The following PRKCA variants were observed in gnomAD, a reference collection of about 807,000 sequenced individuals.
PRKCA encodes the protein protein kinase C alpha type.
In PRKCA, 27 loss-of-function variants were observed where a neutral mutation model predicts 87.0. That is an observed-to-expected ratio of 0.31 (90% confidence interval 0.23 to 0.43). The LOEUF (loss-of-function observed/expected upper bound fraction) is 0.43, where lower values mean the gene tolerates loss of function less well. PRKCA is among the 20% of genes least tolerant of loss of function. PRKCA has a pLI of 1.00. For missense variants in PRKCA, 518 were observed against 852.3 expected, an observed-to-expected ratio of 0.61 and a Z score of 4.88; for synonymous variants, 329 against 311.1, an observed-to-expected ratio of 1.06 and a Z score of -0.61.
chr17:66,302,627 G>C lies in PRKCA; in HGVS notation c.-225G>C, dbSNP rs1904561546. On this transcript the variant is annotated 5_prime_UTR_variant, in exon 1 of 17. Transcript: ENST00000413366. ...GGCACCGGGCTGTCAGTGAGCCTGG[G>C]GCCAGCGGGCGAGCCAGCGGCTCCG... 1 of 155,204 alleles carries C rather than the reference G, an allele frequency of 6.4e-6. No individual in the cohort carries two copies. Among genetic ancestry groups the C allele is most frequent in the African/African-American group, 2.4e-5 (1 of 41,026 alleles). The allele number at this position is 155,204 out of a possible 1,614,324, so 9.6% of individuals were successfully genotyped here. A position where few individuals can be genotyped will look rare whatever the true frequency, so the allele number is the denominator to read the frequency against.
chr17:66,644,925 G>T (rs1351517624), intron 4 of PRKCA, among the ~76,000 whole-genome samples: 1 of 151,806 alleles, frequency 6.6e-6, no homozygotes, highest in Non-Finnish European at 1.5e-5. Context: ...AGGAGTTCAA[G>T]GCTGCAGTGA....
rs769147597 is a variant in PRKCA at position 66,742,768 on chromosome 17, C to G, written c.1524+8C>G. ...GATTATATCGCCCCAGAGGTAGGAA[C>G]CCCAGTGATCGTTTTCTCAACCAGG... On this transcript the variant is annotated splice_region_variant and intron_variant, in intron 13 of 16. Coordinates refer to ENST00000413366, the MANE Select transcript of PRKCA (RefSeq NM_002737.3). 8.7e-6 allele frequency: 14 copies of G among 1,612,338 alleles called. No homozygotes were observed. The East Asian group carries it at 2.7e-4, about 31-fold the overall frequency.
intron 3 of PRKCA, among the ~76,000 whole-genome samples, chr17:66,618,135 A>G (rs906957220): frequency 6.6e-6 from 1 of 152,126 alleles, no homozygotes; most frequent in Non-Finnish European, 1.5e-5. Flanking sequence ...TGGGTGGATC[A>G]CCTGAGGTCA....
chr17:66,715,077 G>A (rs1351481172), intron 8 of PRKCA, among the ~76,000 whole-genome samples: 1 of 151,744 alleles, frequency 6.6e-6, no homozygotes, highest in Non-Finnish European at 1.5e-5. Flanking sequence ...TTTCCGTTGA[G>A]TAGTTGAGCA....
intron 2 of PRKCA, among the ~76,000 whole-genome samples, chr17:66,456,407 C>T (rs997394431): frequency 2.6e-5 from 4 of 152,062 alleles, no homozygotes; most frequent in African/African-American, 7.2e-5. Flanking sequence ...GTTTAAGAGC[C>T]GTAAGTGGCC....
At position 66,735,552 on chromosome 17, in the gene PRKCA, G is replaced by C; in HGVS notation, c.1120G>C (p.Val374Leu). The C allele has an allele frequency of 6.2e-7, 1 of 1,614,202 alleles. No individual in the cohort carries two copies. The highest frequency in any genetic ancestry group is 8.5e-7 in the Non-Finnish European group (1 of 1,180,030). The change falls in exon 10 of 17, where the codon GTG (valine) becomes CTG (leucine). Residue 374 changes from valine to leucine, a missense_variant. Val to Leu is a conservative substitution (Grantham distance 32). Around this residue, in one of 5 missense-constraint regions of PRKCA, gnomAD observed 300 missense variants for 496.8 expected, o/e 0.60. Coordinates refer to ENST00000413366, the MANE Select transcript of PRKCA (RefSeq NM_002737.3). The part of the protein sequence containing the change: ...LYAIKILKKD[V>L]VIQDDDVECT... ...TGCAATCAAAATCCTGAAGAAGGAT[G>C]TGGTGATTCAGGATGATGACGTGGA...
chr17:66,561,615 G>A (rs997962997), intron 3 of PRKCA, among the ~76,000 whole-genome samples: 16 of 152,172 alleles, frequency 1.1e-4, no homozygotes, highest in Non-Finnish European at 8.8e-5. Context: ...CATGTTCGTA[G>A]CAGCAGCAAC....
intron 8 of PRKCA, among the ~76,000 whole-genome samples, chr17:66,706,120 C>A (rs1260956603): frequency 2.0e-5 from 3 of 152,138 alleles, no homozygotes. Flanking sequence ...ATTATTTTAA[C>A]AAGGTCCCCA....
At chr17:66,384,998 T>C (rs985055854) in intron 2 of PRKCA, among the ~76,000 whole-genome samples, 3 of 152,200 alleles carry the variant, frequency 2.0e-5, no homozygotes, top group Admixed American at 2.0e-4. Context: ...TGCCTTCCTC[T>C]TCTTTGACTT....
At chr17:66,461,630 A>G (rs1914859105) in intron 2 of PRKCA, among the ~76,000 whole-genome samples, 1 of 152,200 alleles carries the variant, frequency 6.6e-6, no homozygotes, top group Admixed American at 6.5e-5. Flanking sequence ...ACTAAGTGGT[A>G]AAAATGATGT....
intron 2 of PRKCA, among the ~76,000 whole-genome samples, chr17:66,346,322 C>A (rs1408215088): frequency 6.6e-6 from 1 of 151,882 alleles, no homozygotes; most frequent in Non-Finnish European, 1.5e-5. Context: ...TGGTCTCGAT[C>A]TCCTGACCTA....
At chr17:66,778,959 C>T (rs1010357540) in intron 14 of PRKCA, among the ~76,000 whole-genome samples, 22 of 152,024 alleles carry the variant, frequency 1.4e-4, no homozygotes, top group African/African-American at 5.1e-4. Flanking sequence ...GCCTCAAACA[C>T]AGTGTTTTCA....
chr17:66,570,495 A>C (rs1438812221), intron 3 of PRKCA, among the ~76,000 whole-genome samples: 4 of 152,278 alleles, frequency 2.6e-5, no homozygotes, highest in African/African-American at 4.8e-5. Context: ...GCCTTCAAAC[A>C]CCCAGGCTAT....
chr17:66,748,031 G>A (rs570805112), intron 13 of PRKCA, among the ~76,000 whole-genome samples: 2 of 152,358 alleles, frequency 1.3e-5, no homozygotes, highest in Admixed American at 1.3e-4. Context: ...GATTTTGAGA[G>A]GTGGACAGGG....
intron 2 of PRKCA, among the ~76,000 whole-genome samples, chr17:66,386,727 C>G (rs1348072487): frequency 6.6e-6 from 1 of 152,166 alleles, no homozygotes; most frequent in African/African-American, 2.4e-5. Context: ...GTGGATACTC[C>G]CTGTTGCCCT....
rs558270715 is a variant in PRKCA at position 66,564,841 on chromosome 17, G to A, written c.288+68558G>A. On this transcript the variant is annotated intron_variant, in intron 3 of 16. Coordinates refer to ENST00000413366, the MANE Select transcript of PRKCA (RefSeq NM_002737.3). ...CTAAAAATACAAAAATTAGCCGGAC[G>A]CAGTGGCAGGCACCTGTAGTCCCAG... Among the ~76,000 whole-genome samples the A allele has an allele frequency of 3.3e-5, 5 of 152,188 alleles. No individual in the cohort carries two copies. The South Asian group carries it at 6.2e-4, about 19-fold the overall frequency.
chr17:66,493,431 T>C (rs1245254139), intron 2 of PRKCA, among the ~76,000 whole-genome samples: 1 of 151,952 alleles, frequency 6.6e-6, no homozygotes, highest in Non-Finnish European at 1.5e-5. Flanking sequence ...GCATATGACA[T>C]GATGAAAGGA....
At chr17:66,594,607 G>T (rs1243907033) in intron 3 of PRKCA, among the ~76,000 whole-genome samples, 1 of 94,990 alleles carries the variant, frequency 1.1e-5, no homozygotes, top group African/African-American at 6.8e-5. Flanking sequence ...TGTGCAACAT[G>T]TGGGTTTTTT....
At chr17:66,367,610 A>T (rs1908810253) in intron 2 of PRKCA, among the ~76,000 whole-genome samples, 1 of 152,148 alleles carries the variant, frequency 6.6e-6, no homozygotes, top group Non-Finnish European at 1.5e-5. Context: ...ATGGGGTAAA[A>T]TGGTCTCATC....
Sources: allele counts gnomAD v4.1 joint callset (sites outside exome capture counted in the v4.1 genomes callset), GRCh38; gene constraint gnomAD v4.1.1; regional missense constraint gnomAD v4.1.1; transcripts MANE v1.5; gene names NCBI Gene and HGNC (gene_info 2026-07-23, HGNC 2026-07-21).